The following PIK3C2B variants were observed in gnomAD, a reference collection of about 807,000 sequenced individuals.
The protein encoded by PIK3C2B is phosphatidylinositol-4-phosphate 3-kinase catalytic subunit type 2 beta, also known as phosphatidylinositol 4-phosphate 3-kinase C2 domain-containing subunit beta.
Under a neutral mutation model 184.3 loss-of-function variants are expected in PIK3C2B, and 83 were observed. That is an observed-to-expected ratio of 0.45 (90% CI 0.38 to 0.54). PIK3C2B has a LOEUF of 0.54. Among genes scored for constraint, PIK3C2B ranks in the 20% least tolerant of loss-of-function variants. PIK3C2B has a pLI of 0.00. For synonymous variants in PIK3C2B, 779 were observed against 837.6 expected (o/e 0.93, Z 1.21); for missense variants, 1,736 against 2,113.5 (o/e 0.82, Z 3.50).
intron 14 of PIK3C2B, among the ~76,000 whole-genome samples, chr1:204,448,646 A>C (rs907026756): frequency 5.3e-5 from 8 of 151,964 alleles, no homozygotes; most frequent in African/African-American, 1.9e-4. Flanking sequence ...AAAAAAAAAA[A>C]AAAAAACCTG....
chr1:204,430,761 C>T lies in PIK3C2B; in HGVS notation c.4281-723G>A, dbSNP rs565218460. Among the ~76,000 whole-genome samples the T allele has an allele frequency of 1.5e-3, 233 of 152,126 alleles. 1 individual carries two copies. The highest frequency in any genetic ancestry group is 2.7e-3 in the Non-Finnish European group (184 of 67,990). ...GCAACCTCTGCCTCCCGGGTTCAAG[C>T]GATTCTCCTGCCTCAGCCTCCTGAG... On this transcript the variant is annotated intron_variant, in intron 28 of 32. Transcript: ENST00000684373.
At chr1:204,449,323 C>A in intron 13 of PIK3C2B, 27 bp from the exon 14 acceptor site, 1 of 1,536,408 alleles carries the variant, frequency 6.5e-7, no homozygotes, top group African/African-American at 1.4e-5. Flanking sequence ...GTGGGAAGAG[C>A]TGCTAAAGTG....
rs375951229 is a variant in PIK3C2B at position 204,468,979 on chromosome 1, G to A, written c.824C>T (p.Ala275Val). 1.9e-6 allele frequency: 3 copies of A among 1,614,066 alleles called. No individual in the cohort carries two copies. The highest frequency in any genetic ancestry group is 2.2e-5 in the East Asian group (1 of 44,900). The change falls in exon 2 of 33, where the codon GCC becomes GTC. Residue 275 changes from alanine (A) to valine (V), a missense_variant. Physicochemically the swap from Ala to Val is moderately conservative, Grantham distance 64. Around this residue, in one of 8 missense-constraint regions of PIK3C2B, gnomAD observed 404 missense variants for 418.0 expected, o/e 0.97. Transcript: ENST00000684373. ...FSKDTSGKPV[A>V]RSKTMPPQVP... The stretch of plus-strand genomic sequence containing the variant: ...CTGAGGGGGCATAGTCTTGCTCCTG[G>A]CCACGGGTTTTCCAGAGGTGTCTTT...
chr1:204,445,902 T>G, intron 16 of PIK3C2B, 54 bp downstream of exon 16: 1 of 1,277,506 alleles, frequency 7.8e-7, no homozygotes, highest in Non-Finnish European at 1.1e-6. Context: ...GGCAGTGTCG[T>G]GCCCTGGCTT....
intron 12 of PIK3C2B, 71 bp downstream of exon 12, chr1:204,454,597 GC>G (rs2103495830): frequency 6.5e-7 from 1 of 1,533,082 alleles, no homozygotes; most frequent in East Asian, 2.3e-5. Context: ...TAGTTATCTG[GC>G]CCCAGGGATA....
rs1362922956 is a variant in PIK3C2B, at chr1:204,476,667, T to A, written c.-84-6781A>T. Among the ~76,000 whole-genome samples the A allele has an allele frequency of 2.0e-5, 3 of 152,242 alleles. No individual in the cohort carries two copies. In the South Asian group the frequency reaches 6.2e-4, roughly 31 times the overall value. ...GGTCCCTTGAAAGAGGAAGGGTAGA[T>A]CAGGGCCTGCGTCTCTGCTACTCTG... On this transcript the variant is annotated intron_variant, in intron 1 of 32. Coordinates refer to ENST00000684373, the MANE Select transcript of PIK3C2B (RefSeq NM_001377334.1).
Position 204,469,555 on chromosome 1 carries a change from C to T in PIK3C2B, c.248G>A (p.Gly83Asp). Reference protein sequence around the residue: ...GRRTDLKLLRGLSGSDPTLNY... With the variant: ...GRRTDLKLLRDLSGSDPTLNY... ...AAGGGTAGGATCAGAGCCAGAGAGA[C>T]CGCGTAACAGCTTGAGGTCGGTCCG... The change falls in exon 2 of 33, where the codon GGT (glycine) becomes GAT (aspartate). Residue 83 changes from glycine to aspartate, a missense_variant. Gly to Asp is a moderately conservative substitution (Grantham distance 94, BLOSUM62 -1). Around this residue, in one of 8 missense-constraint regions of PIK3C2B, gnomAD observed 404 missense variants for 418.0 expected, o/e 0.97. Coordinates refer to ENST00000684373, the MANE Select transcript of PIK3C2B (RefSeq NM_001377334.1). 2 of 1,594,962 alleles carry T rather than the reference C, an allele frequency of 1.3e-6. No individual in the cohort carries two copies. The highest frequency in any genetic ancestry group is 1.7e-5 in the Admixed American group (1 of 58,338).
rs549714342 is a variant in PIK3C2B at position 204,477,390 on chromosome 1, C to A, written c.-84-7504G>T. Among the ~76,000 whole-genome samples, 14 of 152,284 alleles carry A rather than the reference C, an allele frequency of 9.2e-5. No individual in the cohort carries two copies. The South Asian group carries it at 2.3e-3, about 25-fold the overall frequency. On this transcript the variant is annotated intron_variant, in intron 1 of 32. Transcript: ENST00000684373. ...TGGGTAGAGGCACCCCAAAAAGCACCAGTCAGCTGAAGAAACAAGAGGACA... is the reference window on the plus strand; with the variant it reads ...TGGGTAGAGGCACCCCAAAAAGCACAAGTCAGCTGAAGAAACAAGAGGACA...
chr1:204,481,339 C>T (rs938126), intron 1 of PIK3C2B, among the ~76,000 whole-genome samples: 93,052 of 148,622 alleles, frequency 0.63, 30,925 homozygotes, highest in Non-Finnish European at 0.72. Context: ...GTGATCTCCG[C>T]TCACTGCAAC....
At chr1:204,484,193 C>A (rs1261892885) in intron 1 of PIK3C2B, among the ~76,000 whole-genome samples, 4 of 150,416 alleles carry the variant, frequency 2.7e-5, no homozygotes, top group South Asian at 4.2e-4. Context: ...CCTTTTTTTC[C>A]CCCCTCTGGT....
intron 23 of PIK3C2B, chr1:204,435,463 T>C (rs1675290994): frequency 6.6e-6 from 1 of 152,122 alleles, no homozygotes; most frequent in Admixed American, 6.5e-5. Context: ...CATAGCCAGG[T>C]AGGAATGCAT....
intron 2 of PIK3C2B, chr1:204,466,656 GT>G (rs1198782326): frequency 2.6e-6 from 1 of 390,456 alleles, no homozygotes; most frequent in Non-Finnish European, 5.1e-6. Flanking sequence ...GAGAGAGACA[GT>G]GGGGGGAGGG....
In PIK3C2B at chr1:204,424,954, G is replaced by A. The variant is rs148227604; in HGVS notation, c.4803C>T (p.Asn1601=). ...GGATGTTCACCTCACCGAGGAGGAC[G>A]TTCTCCCAGAATCCCTGCTCACTCA... ...SVLSEQGFWE[N]VLLGEVNIRL... The change falls in exon 33 of 33, where the codon AAC becomes AAT. Residue 1601 remains asparagine, a synonymous_variant. Coordinates refer to ENST00000684373, the MANE Select transcript of PIK3C2B (RefSeq NM_001377334.1). 5.8e-4 allele frequency: 939 copies of A among 1,614,124 alleles called. 1 individual carries two copies. Among genetic ancestry groups the A allele is most frequent in the Admixed American group, 7.8e-4 (47 of 60,020 alleles).
rs1004002198 is a variant in PIK3C2B at position 204,449,191 on chromosome 1, G to C, written c.2340C>G (p.Ile780Met). 6.2e-7 allele frequency: 1 copy of C among 1,607,092 alleles called. No individual in the cohort carries two copies. Among genetic ancestry groups the C allele is most frequent in the Non-Finnish European group, 8.5e-7 (1 of 1,175,462 alleles). The change falls in exon 14 of 33, where the codon ATC (isoleucine) becomes ATG (methionine). Residue 780 changes from isoleucine (I) to methionine (M), a missense_variant. Ile to Met is a conservative substitution (Grantham distance 10). Around this residue, in one of 8 missense-constraint regions of PIK3C2B, gnomAD observed 609 missense variants for 699.2 expected, o/e 0.87. Transcript: ENST00000684373. ...GGAAGGGCTAAAGCCTCACCTGCAG[G>C]ATGACACTGTCTGGCTGGTGGAAAT... Reference protein sequence around the residue: ...APNFHQPDSVILQIDFPTSAF... With the variant: ...APNFHQPDSVMLQIDFPTSAF...
intron 10 of PIK3C2B, chr1:204,456,394 A>C: frequency 1.1e-5 from 2 of 181,614 alleles, no homozygotes; most frequent in Non-Finnish European, 2.3e-5. Context: ...GGCCAAGTAA[A>C]AGGCTGCCAA....
intron 10 of PIK3C2B, 113 bp downstream of exon 10, chr1:204,456,924 A>ACACACACACACACACACACACC (rs377111253): frequency 1.9e-6 from 1 of 521,438 alleles, no homozygotes; most frequent in African/African-American, 2.0e-5. Context: ...ACACACACAC[A>ACACACACACACACACACACACC]CCAGCCGAAC....
In PIK3C2B at chr1:204,461,677, C is replaced by T. The variant is rs1174289884; in HGVS notation, c.1311-1016G>A. Among the ~76,000 whole-genome samples, 3 of 152,200 alleles carry T rather than the reference C, an allele frequency of 2.0e-5. No individual in the cohort carries two copies. The East Asian group carries it at 5.8e-4, about 29-fold the overall frequency. Reference sequence around the variant, plus strand: ...GAGAGGACCAAATCTCCGATCTAGACCCTCTCAGATCTAAGACTGAAGTGC... The same window carrying T: ...GAGAGGACCAAATCTCCGATCTAGATCCTCTCAGATCTAAGACTGAAGTGC... On this transcript the variant is annotated intron_variant, in intron 5 of 32. Coordinates refer to ENST00000684373, the MANE Select transcript of PIK3C2B (RefSeq NM_001377334.1).
chr1:204,469,044 G>C lies in PIK3C2B; in HGVS notation c.759C>G (p.Thr253=), dbSNP rs115405052. 6.2e-7 allele frequency: 1 copy of C among 1,614,184 alleles called. No individual in the cohort carries two copies. Among genetic ancestry groups the C allele is most frequent in the East Asian group, 2.2e-5 (1 of 44,880 alleles). The change falls in exon 2 of 33, where the codon ACC becomes ACG. Residue 253 remains threonine, a synonymous_variant. Transcript: ENST00000684373. ...GCCCTCGGCCCTCCTTCCAGCCCCTGGTGGCATCCCGCAACATCTCCGCAT... is the reference window on the plus strand; with the variant it reads ...GCCCTCGGCCCTCCTTCCAGCCCCTCGTGGCATCCCGCAACATCTCCGCAT... The part of the protein sequence containing the change: ...TYDAEMLRDA[T]RGWKEGRGPL...
At chr1:204,488,188 C>T (rs568480620) in intron 1 of PIK3C2B, among the ~76,000 whole-genome samples, 8 of 152,286 alleles carry the variant, frequency 5.3e-5, no homozygotes, top group Admixed American at 4.6e-4. Context: ...GCTCCAAAGC[C>T]GTGCTCTTAA....
Sources: allele counts gnomAD v4.1 joint callset (sites outside exome capture counted in the v4.1 genomes callset), GRCh38; gene constraint gnomAD v4.1.1; regional missense constraint gnomAD v4.1.1; transcripts MANE v1.5; gene names NCBI Gene and HGNC (gene_info 2026-07-23, HGNC 2026-07-21).